Variants in CCDC178 observed in about 807,000 individuals in gnomAD.
CCDC178 encodes coiled-coil domain-containing protein 178.
Under a neutral mutation model 117.4 loss-of-function variants are expected in CCDC178, and 126 were observed. That is an observed-to-expected ratio of 1.07 (90% CI 0.93 to 1.24). The LOEUF (loss-of-function observed/expected upper bound fraction) is 1.24, where lower values mean the gene tolerates loss of function less well. Among genes scored for constraint, CCDC178 ranks in the 50% most tolerant of loss-of-function variants. The pLI is 0.00. For missense variants in CCDC178, 1,030 were observed against 986.9 expected, an observed-to-expected ratio of 1.04 and a Z score of -0.59; for synonymous variants, 283 against 313.4, an observed-to-expected ratio of 0.90 and a Z score of 1.02.
chr18:33,086,292 AT>A (rs1555640100), intron 21 of CCDC178, among the ~76,000 whole-genome samples: 3 of 151,588 alleles, frequency 2.0e-5, no homozygotes, highest in Non-Finnish European at 2.9e-5. Flanking sequence ...AATAATACTT[AT>A]TTTTTATTAA....
At position 33,320,153 on chromosome 18, in the gene CCDC178, A is replaced by C. The variant is rs1368579928; in HGVS notation, c.1022+3338T>G. Among the ~76,000 whole-genome samples, 9 of 152,154 alleles carry C rather than the reference A, an allele frequency of 5.9e-5. No individual in the cohort carries two copies. In the East Asian group the frequency reaches 9.6e-4, roughly 16 times the overall value. On this transcript the variant is annotated intron_variant, in intron 11 of 22. Coordinates refer to ENST00000383096, the MANE Select transcript of CCDC178 (RefSeq NM_001105528.4). ...CCAATATCATACTGAATGGCCAAAAACTGGACTCATTGCCTTTGAAAACTG... is the reference window on the plus strand; with the variant it reads ...CCAATATCATACTGAATGGCCAAAACCTGGACTCATTGCCTTTGAAAACTG...
At chr18:33,412,517 T>G (rs527891604) in intron 2 of CCDC178, among the ~76,000 whole-genome samples, 17 of 152,190 alleles carry the variant, frequency 1.1e-4, no homozygotes, top group African/African-American at 3.9e-4. Flanking sequence ...TTTAAAATAT[T>G]TTAAGAGTAG....
chr18:33,355,955 T>G (rs761549833), intron 7 of CCDC178, among the ~76,000 whole-genome samples: 9 of 152,224 alleles, frequency 5.9e-5, no homozygotes, highest in Admixed American at 1.3e-4. Context: ...TGGAGAATGC[T>G]GAGCAGGCAA....
At chr18:33,423,317 C>G (rs2064057946) in intron 2 of CCDC178, among the ~76,000 whole-genome samples, 1 of 152,072 alleles carries the variant, frequency 6.6e-6, no homozygotes, top group Non-Finnish European at 1.5e-5. Flanking sequence ...AAACAAAATA[C>G]TGTGTAGTGT....
intron 21 of CCDC178, among the ~76,000 whole-genome samples, chr18:32,992,824 C>T (rs767016525): frequency 3.9e-5 from 6 of 152,022 alleles, no homozygotes; most frequent in South Asian, 2.1e-4. Flanking sequence ...TAATTAAAAA[C>T]GTAAATTAGA....
At chr18:33,313,628 T>C (rs1232970008) in intron 11 of CCDC178, among the ~76,000 whole-genome samples, 1 of 152,188 alleles carries the variant, frequency 6.6e-6, no homozygotes, top group African/African-American at 2.4e-5. Flanking sequence ...AAAGTATGAC[T>C]GGGATCTTCA....
chr18:33,162,304 C>T (rs556982645), intron 20 of CCDC178, among the ~76,000 whole-genome samples: 111 of 152,182 alleles, frequency 7.3e-4, no homozygotes, highest in Non-Finnish European at 1.3e-3. Flanking sequence ...GCACGTTGTG[C>T]ACATGTACCC....
In CCDC178 at chr18:33,118,113, A is replaced by C. The variant is rs1440631627; in HGVS notation, c.2239-25203T>G. Among the ~76,000 whole-genome samples, 5 of 152,210 alleles carry C rather than the reference A, an allele frequency of 3.3e-5. No homozygotes were observed. The East Asian group carries it at 9.7e-4, about 30-fold the overall frequency. On this transcript the variant is annotated intron_variant, in intron 20 of 22. Coordinates refer to ENST00000383096, the MANE Select transcript of CCDC178 (RefSeq NM_001105528.4). ...ACTCCATAGTAAATGAAATGTATTGATAGGCCAATGCTCATGGAAGTCACT... is the reference window on the plus strand; with the variant it reads ...ACTCCATAGTAAATGAAATGTATTGCTAGGCCAATGCTCATGGAAGTCACT...
intron 2 of CCDC178, among the ~76,000 whole-genome samples, chr18:33,419,083 A>G (rs2063988241): frequency 6.6e-6 from 1 of 152,222 alleles, no homozygotes. Context: ...TACTGGTACA[A>G]AAACAGAGAC....
intron 12 of CCDC178, among the ~76,000 whole-genome samples, chr18:33,287,816 T>G (rs1016861220): frequency 6.6e-6 from 1 of 152,144 alleles, no homozygotes; most frequent in Middle Eastern, 3.4e-3. Context: ...ATAAATAACA[T>G]TTTGTTAAAA....
chr18:33,274,919 T>C (rs1353424098), intron 12 of CCDC178, among the ~76,000 whole-genome samples: 1 of 152,052 alleles, frequency 6.6e-6, no homozygotes, highest in East Asian at 1.9e-4. Context: ...ATAAGTACGA[T>C]TACTTTAGCC....
intron 11 of CCDC178, among the ~76,000 whole-genome samples, chr18:33,314,479 T>C (rs1015334511): frequency 2.0e-5 from 3 of 152,198 alleles, no homozygotes; most frequent in Admixed American, 2.0e-4. Context: ...ATGTCCTTGT[T>C]AAAAATGAGA....
At chr18:33,074,303 A>G (rs2145008285) in intron 21 of CCDC178, among the ~76,000 whole-genome samples, 1 of 152,258 alleles carries the variant, frequency 6.6e-6, no homozygotes, top group South Asian at 2.1e-4. Flanking sequence ...GAAAGAAAAC[A>G]TTACGTCATT....
intron 11 of CCDC178, among the ~76,000 whole-genome samples, chr18:33,307,499 C>T (rs2062272041): frequency 6.6e-6 from 1 of 152,138 alleles, no homozygotes; most frequent in Non-Finnish European, 1.5e-5. Context: ...AAGCAAAGCA[C>T]AAAAGTTTAG....
intron 3 of CCDC178, 66 bp downstream of exon 3, chr18:33,411,965 T>G (rs894622716): frequency 1.4e-5 from 12 of 857,022 alleles, no homozygotes; most frequent in Non-Finnish European, 2.0e-5. Context: ...CCCTCCTCTG[T>G]AAGTGATGTG....
intron 20 of CCDC178, among the ~76,000 whole-genome samples, chr18:33,206,813 T>C (rs2059049838): frequency 1.3e-5 from 2 of 152,230 alleles, no homozygotes; most frequent in Non-Finnish European, 2.9e-5. Context: ...GATGTTTGTA[T>C]AGCAAAGGTA....
At position 33,360,048 on chromosome 18, in the gene CCDC178, T is replaced by C. The variant is rs956749267; in HGVS notation, c.349-3702A>G. 4.6e-5 allele frequency among the ~76,000 whole-genome samples: 7 copies of C among 151,508 alleles called. No individual in the cohort carries two copies. The East Asian group carries it at 1.4e-3, about 29-fold the overall frequency. On this transcript the variant is annotated intron_variant, in intron 6 of 22. Coordinates refer to ENST00000383096, the MANE Select transcript of CCDC178 (RefSeq NM_001105528.4). Reference sequence around the variant, plus strand: ...AAAAATAAGAAAATAATTAACCTTATGTTAGAAATTTTTTTTTAATGGACG... The same window carrying C: ...AAAAATAAGAAAATAATTAACCTTACGTTAGAAATTTTTTTTTAATGGACG...
chr18:33,227,577 T>TACAC (rs1272675394), intron 15 of CCDC178, among the ~76,000 whole-genome samples: 6 of 138,658 alleles, frequency 4.3e-5, no homozygotes, highest in Middle Eastern at 7.8e-3. Context: ...TATATATATA[T>TACAC]ATACACACAC....
chr18:33,258,610 T>C (rs1347950840), intron 14 of CCDC178, among the ~76,000 whole-genome samples: 3 of 152,178 alleles, frequency 2.0e-5, no homozygotes, highest in Admixed American at 2.0e-4. Context: ...TATTTTCCTA[T>C]ACAACAATGT....
Sources: allele counts gnomAD v4.1 joint callset (sites outside exome capture counted in the v4.1 genomes callset), GRCh38; gene constraint gnomAD v4.1.1; transcripts MANE v1.5; gene names NCBI Gene and HGNC (gene_info 2026-07-23, HGNC 2026-07-21).